The following NAALADL2 variants were observed in gnomAD, a reference collection of about 807,000 sequenced individuals.
NAALADL2 encodes inactive N-acetylated-alpha-linked acidic dipeptidase-like protein 2.
In NAALADL2, 76 loss-of-function variants were observed where a neutral mutation model predicts 87.2. That is an observed-to-expected ratio of 0.87 (90% CI 0.72 to 1.05). NAALADL2 has a LOEUF of 1.05. Among genes scored for constraint, NAALADL2 ranks in the 50% least tolerant of loss-of-function variants. The probability of loss-of-function intolerance (pLI) is 0.00; values close to 1 mark genes in which losing one functional copy is unlikely to be tolerated. For synonymous variants in NAALADL2, 354 were observed against 331.0 expected (o/e 1.07, Z -0.75); for missense variants, 1,089 against 945.8 (o/e 1.15, Z -1.99).
At chr3:175,780,288 C>A (rs553931403) in intron 13 of NAALADL2, among the ~76,000 whole-genome samples, 9 of 150,774 alleles carry the variant, frequency 6.0e-5, no homozygotes, top group Admixed American at 3.3e-4. Context: ...AAAAAAAAAA[C>A]CAATAAAAAG....
chr3:174,685,547 A>G (rs1391719613), intron 2 of NAALADL2, among the ~76,000 whole-genome samples: 2 of 152,130 alleles, frequency 1.3e-5, no homozygotes, highest in Non-Finnish European at 2.9e-5. Flanking sequence ...GGAAGTGAGC[A>G]GAATGAACAC....
chr3:174,446,549 C>T (rs1208419797), intron 1 of NAALADL2, among the ~76,000 whole-genome samples: 2 of 152,062 alleles, frequency 1.3e-5, no homozygotes, highest in Non-Finnish European at 2.9e-5. Context: ...TAATGCATCC[C>T]TAAGTGATCA....
At chr3:175,297,500 T>C (rs10936840) in intron 4 of NAALADL2, among the ~76,000 whole-genome samples, 4 of 152,198 alleles carry the variant, frequency 2.6e-5, no homozygotes, top group East Asian at 3.9e-4. Context: ...TCCTAAGCAA[T>C]AATTATTTAT....
chr3:175,566,449 G>T (rs2149528730), intron 9 of NAALADL2, among the ~76,000 whole-genome samples: 1 of 152,164 alleles, frequency 6.6e-6, no homozygotes, highest in South Asian at 2.1e-4. Flanking sequence ...TTATTTTTTA[G>T]GTAGAAATGT....
At position 175,614,053 on chromosome 3, in the gene NAALADL2, G is replaced by C. The variant is rs115200196; in HGVS notation, c.1801-13238G>C. Among the ~76,000 whole-genome samples the C allele has an allele frequency of 6.0e-3, 917 of 152,134 alleles. 5 individuals are homozygous for C. Among genetic ancestry groups the C allele is most frequent in the African/African-American group, 0.021 (860 of 41,516 alleles). Reference sequence around the variant, plus strand: ...TCACAAAGTAGGCATGCCAGAATCTGTCTCTTTTCTTTTTCCCAAGACGGA... The same window carrying C: ...TCACAAAGTAGGCATGCCAGAATCTCTCTCTTTTCTTTTTCCCAAGACGGA... On this transcript the variant is annotated intron_variant, in intron 10 of 13. Transcript: ENST00000454872.
At chr3:175,010,140 A>G (rs758052878) in intron 1 of NAALADL2, among the ~76,000 whole-genome samples, 1 of 152,140 alleles carries the variant, frequency 6.6e-6, no homozygotes, top group Non-Finnish European at 1.5e-5. Flanking sequence ...CTAATATTAT[A>G]TAACACACAG....
intron 12 of NAALADL2, among the ~76,000 whole-genome samples, chr3:175,750,044 T>G (rs1463835945): frequency 6.6e-6 from 1 of 152,220 alleles, no homozygotes; most frequent in Non-Finnish European, 1.5e-5. Context: ...TATAATATTT[T>G]AACTTACTTC....
chr3:175,595,490 C>A (rs916604251), intron 10 of NAALADL2, among the ~76,000 whole-genome samples: 1 of 152,032 alleles, frequency 6.6e-6, no homozygotes, highest in African/African-American at 2.4e-5. Context: ...ACCCTAAATA[C>A]TCCACCGAAA....
chr3:174,955,806 CAG>C (rs1179962526), intron 1 of NAALADL2, among the ~76,000 whole-genome samples: 1 of 152,056 alleles, frequency 6.6e-6, no homozygotes, highest in South Asian at 2.1e-4. Context: ...GCTCTACCAA[CAG>C]AGTGTCTGAT....
At chr3:175,471,474 CAA>C (rs368173654) in intron 8 of NAALADL2, among the ~76,000 whole-genome samples, 163 bp from the exon 9 acceptor site, 6,020 of 59,760 alleles carry the variant, frequency 0.1, 278 homozygotes, top group African/African-American at 0.27. Context: ...GAGTCTGTCT[CAA>C]AAAAAAAAAA....
At chr3:175,355,564 C>T (rs183798561) in intron 5 of NAALADL2, among the ~76,000 whole-genome samples, 16 of 152,222 alleles carry the variant, frequency 1.1e-4, no homozygotes, top group Admixed American at 4.6e-4. Context: ...TGAGTCTCAG[C>T]TTGGACATCA....
At chr3:174,461,901 T>C (rs895333786) in intron 1 of NAALADL2, among the ~76,000 whole-genome samples, 1 of 152,042 alleles carries the variant, frequency 6.6e-6, no homozygotes, top group East Asian at 1.9e-4. Flanking sequence ...AAATCACTTT[T>C]AAACACAAGT....
intron 9 of NAALADL2, among the ~76,000 whole-genome samples, chr3:175,475,024 T>TCACAC (rs1376680590): frequency 2.7e-5 from 4 of 149,610 alleles, no homozygotes; most frequent in Admixed American, 1.3e-4. Context: ...AACATTTAAG[T>TCACAC]ACACACACAC....
intron 5 of NAALADL2, among the ~76,000 whole-genome samples, chr3:175,361,733 ATTTG>A (rs1765036741): frequency 6.8e-6 from 1 of 147,986 alleles, no homozygotes; most frequent in African/African-American, 2.5e-5. Flanking sequence ...TTTCTTGTAA[ATTTG>A]TTTGAGTTCT....
intron 1 of NAALADL2, among the ~76,000 whole-genome samples, chr3:174,452,255 CT>C (rs1376464495): frequency 6.6e-6 from 1 of 152,152 alleles, no homozygotes; most frequent in East Asian, 1.9e-4. Flanking sequence ...TGTGCTTTAT[CT>C]TTGTCTTGCA....
chr3:174,605,951 G>A (rs1463386180), intron 2 of NAALADL2, among the ~76,000 whole-genome samples: 2 of 152,208 alleles, frequency 1.3e-5, no homozygotes, highest in East Asian at 1.9e-4. Flanking sequence ...TCACATGGCC[G>A]GATACTCCTC....
chr3:174,712,380 CTTTTTTTTTTT>C lies in NAALADL2; in HGVS notation c.-114-25246_-114-25236del, dbSNP rs1169827021. 1.8e-4 allele frequency among the ~76,000 whole-genome samples: 13 copies of C among 70,450 alleles called. No individual in the cohort carries two copies. In the South Asian group the frequency reaches 5.0e-3, roughly 27 times the overall value. 46.2% of individuals were successfully genotyped at this position (70,450 alleles called of 152,430 possible). On this transcript the variant is annotated intron_variant, in intron 2 of 3. Transcript: ENST00000434257. ...TATTAACAGTCTCACTTCTCCTCTT[CTTTTTTTTTTT>C]TTTTTTTTTTTTTTGAGACAGAGTC...
chr3:174,492,961 G>A (rs1451876116), intron 1 of NAALADL2, among the ~76,000 whole-genome samples: 1 of 152,194 alleles, frequency 6.6e-6, no homozygotes, highest in Non-Finnish European at 1.5e-5. Context: ...ACTGCTGACT[G>A]TAGTGCAAGG....
intron 5 of NAALADL2, among the ~76,000 whole-genome samples, chr3:175,357,258 G>A (rs1764485052): frequency 6.6e-6 from 1 of 152,242 alleles, no homozygotes; most frequent in East Asian, 1.9e-4. Flanking sequence ...GATCAGTGGA[G>A]GAAAAGTGAC....
Sources: allele counts gnomAD v4.1 joint callset (sites outside exome capture counted in the v4.1 genomes callset), GRCh38; gene constraint gnomAD v4.1.1; transcripts MANE v1.5; gene names NCBI Gene and HGNC (gene_info 2026-07-23, HGNC 2026-07-21).